Variants in PLEKHM2 observed in about 807,000 individuals in gnomAD.
PLEKHM2 encodes the protein pleckstrin homology domain-containing family M member 2.
PLEKHM2 carries 77 observed loss-of-function variants against 116.3 expected under a neutral mutation model. That is an observed-to-expected ratio of 0.66 (90% CI 0.55 to 0.80). The LOEUF is 0.80. Ranked by LOEUF, PLEKHM2 falls within the 30% of genes least tolerant of loss-of-function variation. The pLI, the probability that PLEKHM2 is intolerant of heterozygous loss-of-function variation, is 0.00. For synonymous variants in PLEKHM2, 562 were observed against 571.0 expected (o/e 0.98, Z 0.22); for missense variants, 1,183 against 1,354.9 (o/e 0.87, Z 1.99).
chr1:15,727,297 C>A lies in PLEKHM2; in HGVS notation c.1225C>A (p.Pro409Thr). 1 of 1,604,646 alleles carries A rather than the reference C, an allele frequency of 6.2e-7. No homozygotes were observed. Among genetic ancestry groups the A allele is most frequent in the Non-Finnish European group, 8.5e-7 (1 of 1,176,604 alleles). The change falls in exon 9 of 20, where the codon CCC becomes ACC. Residue 409 changes from proline to threonine, a missense_variant. Pro to Thr is a conservative substitution (Grantham distance 38). Around this residue, in one of 3 missense-constraint regions of PLEKHM2, gnomAD observed 372 missense variants for 357.2 expected, o/e 1.04. Transcript: ENST00000375799. The surrounding 1 kb of genome is among the most constrained non-coding windows in gnomAD (Gnocchi z 7.5). Reference sequence around the variant, plus strand: ...CACCTCCATGGAGCGCTTGGGGCAGCCCCTGAGCAAGGTTATCGACCAGCT... The same window carrying A: ...CACCTCCATGGAGCGCTTGGGGCAGACCCTGAGCAAGGTTATCGACCAGCT... ...KDTSMERLGQ[P>T]LSKVIDQLNG...
rs768984905 is a variant in PLEKHM2 at position 15,731,870 on chromosome 1, CCCT to C, written c.2466-11_2466-9del. 5.6e-6 allele frequency: 9 copies of C among 1,604,732 alleles called. No individual in the cohort carries two copies. Among genetic ancestry groups the C allele is most frequent in the South Asian group, 1.1e-5 (1 of 90,020 alleles). The stretch of plus-strand genomic sequence containing the variant: ...CCCTTGCCTCCTCGCTCCCGTTTCA[CCCT>C]CCTCCTCTGGCCCAGGGGGGAGCAG... On this transcript the variant is annotated splice_polypyrimidine_tract_variant and intron_variant, in intron 16 of 19. Coordinates refer to ENST00000375799, the MANE Select transcript of PLEKHM2 (RefSeq NM_015164.4).
At chr1:15,726,919 G>A in intron 8 of PLEKHM2, 95 bp from the exon 9 acceptor site, 1 of 773,020 alleles carries the variant, frequency 1.3e-6, no homozygotes, top group Non-Finnish European at 2.0e-6. Flanking sequence ...GCCCTCAGAG[G>A]CTACATGGCC....
intron 1 of PLEKHM2, among the ~76,000 whole-genome samples, chr1:15,699,688 AAAAT>A (rs1351250468): frequency 6.6e-6 from 1 of 152,204 alleles, no homozygotes; most frequent in Non-Finnish European, 1.5e-5. Context: ...CTCTATTATT[AAAAT>A]AAATAAATAG....
intron 1 of PLEKHM2, among the ~76,000 whole-genome samples, chr1:15,688,675 A>G (rs1407411135): frequency 6.6e-6 from 1 of 151,390 alleles, no homozygotes; most frequent in Non-Finnish European, 1.5e-5. Flanking sequence ...AAAGGAAATG[A>G]TAACAATAGC....
intron 1 of PLEKHM2, among the ~76,000 whole-genome samples, chr1:15,714,983 T>C (rs1189098291): frequency 6.6e-6 from 1 of 152,226 alleles, no homozygotes; most frequent in African/African-American, 2.4e-5. Context: ...GCCCTTGCCC[T>C]CACCAGCCTG....
intron 1 of PLEKHM2, among the ~76,000 whole-genome samples, chr1:15,714,717 A>G (rs906339205): frequency 2.0e-5 from 3 of 152,214 alleles, no homozygotes; most frequent in African/African-American, 7.2e-5. Flanking sequence ...CACTGCTTCC[A>G]GAAAACACTT....
At chr1:15,708,448 C>A (rs758958331) in intron 1 of PLEKHM2, among the ~76,000 whole-genome samples, 1 of 152,044 alleles carries the variant, frequency 6.6e-6, no homozygotes, top group Non-Finnish European at 1.5e-5. Context: ...ATCTCTTGAC[C>A]TTGTGATCCA....
At position 15,728,584 on chromosome 1, in the gene PLEKHM2, A is replaced by G; in HGVS notation, c.1922-85A>G. 1 of 1,254,978 alleles carries G rather than the reference A, an allele frequency of 8.0e-7. No homozygotes were observed. Among genetic ancestry groups the G allele is most frequent in the Non-Finnish European group, 1.1e-6 (1 of 877,076 alleles). 77.7% of individuals were successfully genotyped at this position (1,254,978 alleles called of 1,614,324 possible). A position where few individuals can be genotyped will look rare whatever the true frequency, so the allele number is the denominator to read the frequency against. ...GCAGGGCAAGGAGAGGCCCTCTAAG[A>G]GAGGGGGCTGTGTCTAAGAAAATGG... is the stretch of plus-strand genomic sequence containing the variant. On this transcript the variant is annotated intron_variant, in intron 11 of 19. Transcript: ENST00000375799. The surrounding 1 kb of genome is among the most constrained non-coding windows in gnomAD (Gnocchi z 5.9).
intron 1 of PLEKHM2, among the ~76,000 whole-genome samples, chr1:15,713,630 G>GTTT (rs146253570): frequency 2.7e-5 from 4 of 150,604 alleles, no homozygotes; most frequent in African/African-American, 4.9e-5. Context: ...TTGTTTGTTT[G>GTTT]TTTGTTTTTT....
intron 1 of PLEKHM2, among the ~76,000 whole-genome samples, chr1:15,696,557 G>A (rs532417950): frequency 6.6e-6 from 1 of 152,204 alleles, no homozygotes; most frequent in East Asian, 1.9e-4. Flanking sequence ...CATCATATTG[G>A]TCAGGCTGGT....
rs536258771 is a variant in PLEKHM2 at position 15,728,748 on chromosome 1, C to T, written c.1986+15C>T. ...ACTATGTGTCGGTGAGTCCAGGCCC[C>T]GCAGTTGTGCGCCTGCTGTAGGTAC... On this transcript the variant is annotated intron_variant, in intron 12 of 19. Transcript: ENST00000375799. The surrounding 1 kb of genome is among the most constrained non-coding windows in gnomAD (Gnocchi z 5.9). 2.3e-5 allele frequency: 37 copies of T among 1,597,686 alleles called. No homozygotes were observed. Among genetic ancestry groups the T allele is most frequent in the South Asian group, 2.1e-4 (19 of 88,836 alleles).
At position 15,721,518 on chromosome 1, in the gene PLEKHM2, T is replaced by C. The variant is rs1448168542; in HGVS notation, c.712+130T>C. The C allele has an allele frequency of 1.6e-6, 1 of 607,832 alleles. No homozygotes were observed. Among genetic ancestry groups the C allele is most frequent in the Non-Finnish European group, 2.8e-6 (1 of 351,478 alleles). 37.7% of individuals were successfully genotyped at this position (607,832 alleles called of 1,614,324 possible). On this transcript the variant is annotated intron_variant, in intron 7 of 19. Coordinates refer to ENST00000375799, the MANE Select transcript of PLEKHM2 (RefSeq NM_015164.4). The surrounding 1 kb of genome is among the most constrained non-coding windows in gnomAD (Gnocchi z 5.1). Reference sequence around the variant, plus strand: ...ATAATCATAATAAAGCCAAGTTTGGTGTTCTAATAGATGGAATTCTGCAGT... The same window carrying C: ...ATAATCATAATAAAGCCAAGTTTGGCGTTCTAATAGATGGAATTCTGCAGT...
intron 1 of PLEKHM2, among the ~76,000 whole-genome samples, 199 bp downstream of exon 1, chr1:15,684,817 G>T (rs929336773): frequency 6.6e-6 from 1 of 151,910 alleles, no homozygotes; most frequent in Non-Finnish European, 1.5e-5. Context: ...TATTTTTAAA[G>T]AACAAAGTTG....
At position 15,725,904 on chromosome 1, in the gene PLEKHM2, C is replaced by T. The variant is rs1267737655; in HGVS notation, c.941+359C>T. ...TGTGGCGGGGAGTGGAGAGAGAGCT[C>T]TCTAGGGTCCCTTTTATGAGGGTGC... is the stretch of plus-strand genomic sequence containing the variant. On this transcript the variant is annotated intron_variant, in intron 8 of 19. Coordinates refer to ENST00000375799, the MANE Select transcript of PLEKHM2 (RefSeq NM_015164.4). The T allele has an allele frequency of 3.2e-5, 9 of 279,906 alleles. No individual in the cohort carries two copies. The Admixed American group carries it at 3.9e-4, about 12-fold the overall frequency. 17.3% of individuals were successfully genotyped at this position (279,906 alleles called of 1,614,324 possible). A position where few individuals can be genotyped will look rare whatever the true frequency, so the allele number is the denominator to read the frequency against.
chr1:15,722,531 G>C (rs930559933), intron 7 of PLEKHM2, among the ~76,000 whole-genome samples: 2 of 152,160 alleles, frequency 1.3e-5, no homozygotes, highest in Non-Finnish European at 2.9e-5. Flanking sequence ...CTCTGAACAG[G>C]GGAGGTGAGA....
intron 1 of PLEKHM2, among the ~76,000 whole-genome samples, chr1:15,707,805 C>T (rs1280446401): frequency 6.6e-6 from 1 of 152,248 alleles, no homozygotes; most frequent in African/African-American, 2.4e-5. Context: ...GCCACCCTGG[C>T]TGCTCTCCTT....
chr1:15,696,598 G>T (rs1159752721), intron 1 of PLEKHM2, among the ~76,000 whole-genome samples: 1 of 151,946 alleles, frequency 6.6e-6, no homozygotes, highest in Admixed American at 6.6e-5. Flanking sequence ...TGATCCGCCC[G>T]CCTCGGCCTC....
At chr1:15,689,379 G>A (rs532272850) in intron 1 of PLEKHM2, among the ~76,000 whole-genome samples, 68 of 152,320 alleles carry the variant, frequency 4.5e-4, no homozygotes, top group African/African-American at 1.6e-3. Context: ...TCCGAGGACA[G>A]GCGTGACCTG....
chr1:15,724,312 A>G (rs2068032634), intron 7 of PLEKHM2, among the ~76,000 whole-genome samples: 1 of 152,086 alleles, frequency 6.6e-6, no homozygotes, highest in South Asian at 2.1e-4. Flanking sequence ...GTGAAACCCC[A>G]GCTCTACTAA....
Sources: allele counts gnomAD v4.1 joint callset (sites outside exome capture counted in the v4.1 genomes callset), GRCh38; gene constraint gnomAD v4.1.1; regional missense constraint gnomAD v4.1.1; non-coding constraint Gnocchi (gnomAD v3.1); transcripts MANE v1.5; gene names NCBI Gene and HGNC (gene_info 2026-07-23, HGNC 2026-07-21).